The following CLVS1 variants were observed in gnomAD, a reference collection of about 807,000 sequenced individuals.
The protein encoded by CLVS1 is clavesin-1.
A neutral mutation model predicts 33.1 loss-of-function variants in CLVS1; 10 were observed. The observed-to-expected ratio is 0.30, with a 90% confidence interval of 0.19 to 0.51. The LOEUF is 0.51. Ranked by LOEUF, CLVS1 falls within the 20% of genes least tolerant of loss-of-function variation. The pLI, the probability that CLVS1 is intolerant of heterozygous loss-of-function variation, is 0.97. For synonymous variants in CLVS1, 163 were observed against 166.1 expected, an observed-to-expected ratio of 0.98 and a Z score of 0.14; for missense variants, 343 against 433.4, an observed-to-expected ratio of 0.79 and a Z score of 1.85.
chr8:61,376,496 C>A, intron 2 of CLVS1, 109 bp from the exon 3 acceptor site: 2 of 973,100 alleles, frequency 2.1e-6, no homozygotes, highest in Non-Finnish European at 3.1e-6. Flanking sequence ...GTGTGACCCT[C>A]CAGGCGGGGT....
chr8:61,275,793 C>A (rs1188234763), intron 2 of CLVS1, among the ~76,000 whole-genome samples: 5 of 152,212 alleles, frequency 3.3e-5, no homozygotes, highest in African/African-American at 1.2e-4. Flanking sequence ...CAATGCCATT[C>A]ATCCCTCAAA....
At chr8:61,297,648 C>T (rs1239001493) in intron 1 of CLVS1, among the ~76,000 whole-genome samples, 1 of 152,124 alleles carries the variant, frequency 6.6e-6, no homozygotes, top group Non-Finnish European at 1.5e-5. Context: ...GTAGAATGTG[C>T]AGTCTGAAGA....
chr8:61,484,378 A>G (rs537735419), intron 5 of CLVS1, among the ~76,000 whole-genome samples: 27 of 152,296 alleles, frequency 1.8e-4, no homozygotes, highest in Admixed American at 1.5e-3. Context: ...TAGGAATCCA[A>G]CTTACAAGGG....
intron 3 of CLVS1, among the ~76,000 whole-genome samples, chr8:61,413,527 C>T (rs993214033): frequency 6.6e-6 from 1 of 152,180 alleles, no homozygotes; most frequent in South Asian, 2.1e-4. Flanking sequence ...TGGACACGAT[C>T]GTCCCCTTAC....
At chr8:61,331,019 C>T (rs555686421) in intron 2 of CLVS1, among the ~76,000 whole-genome samples, 57 of 152,126 alleles carry the variant, frequency 3.7e-4, no homozygotes, top group African/African-American at 1.3e-3. Flanking sequence ...GAGTTAGAGG[C>T]TGCAGTGAGA....
chr8:61,466,301 G>C (rs1161007075), intron 5 of CLVS1, among the ~76,000 whole-genome samples: 3 of 152,180 alleles, frequency 2.0e-5, no homozygotes, highest in African/African-American at 7.2e-5. Flanking sequence ...CTCAGTAATG[G>C]CCACAAGAAC....
intron 2 of CLVS1, among the ~76,000 whole-genome samples, chr8:61,198,109 TC>T (rs78252699): frequency 0.19 from 28,679 of 152,228 alleles, 3,045 homozygotes; most frequent in Admixed American, 0.27. Context: ...AATTTGGTGT[TC>T]CTTCCAGAGG....
At chr8:61,292,261 T>C in intron 1 of CLVS1, 1 of 444,096 alleles carries the variant, frequency 2.3e-6, no homozygotes, top group Non-Finnish European at 4.6e-6. Context: ...GTTATAAAAA[T>C]AGCCTCTTTC....
At position 61,478,240 on chromosome 8, in the gene CLVS1, T is replaced by C. The variant is rs1818032167; in HGVS notation, c.977+19698T>C. Among the ~76,000 whole-genome samples, 4 of 152,324 alleles carry C rather than the reference T, an allele frequency of 2.6e-5. No individual in the cohort carries two copies. The South Asian group carries it at 8.3e-4, about 32-fold the overall frequency. The stretch of plus-strand genomic sequence containing the variant: ...CTGAGGAGTGCTGTACTTCCAACTA[T>C]GTGGTCAATTTTGGAATAGGTGTGG... On this transcript the variant is annotated intron_variant, in intron 5 of 5. Coordinates refer to ENST00000325897, the MANE Select transcript of CLVS1 (RefSeq NM_173519.3).
At chr8:61,230,067 A>G (rs1052982331) in intron 2 of CLVS1, among the ~76,000 whole-genome samples, 8 of 152,126 alleles carry the variant, frequency 5.3e-5, no homozygotes, top group Non-Finnish European at 1.0e-4. Flanking sequence ...TGATCCTTAC[A>G]CTATGGTGAG....
chr8:61,332,028 T>C (rs775965044), intron 2 of CLVS1, among the ~76,000 whole-genome samples: 12 of 152,204 alleles, frequency 7.9e-5, no homozygotes, highest in Non-Finnish European at 1.3e-4. Flanking sequence ...CATGGTGGCA[T>C]GGCAGGGCAG....
At chr8:61,145,157 A>T (rs1012126039) in intron 2 of CLVS1, among the ~76,000 whole-genome samples, 6 of 152,262 alleles carry the variant, frequency 3.9e-5, no homozygotes, top group Admixed American at 3.3e-4. Context: ...TATTATCAGC[A>T]TGAAAAGGCA....
the CLVS1 span, among the ~76,000 whole-genome samples, chr8:60,993,326 T>C: frequency 6.6e-6 from 1 of 152,230 alleles, no homozygotes; most frequent in African/African-American, 2.4e-5. Context: ...AATGGCTCTA[T>C]GCTTCATTTC....
chr8:61,057,207 C>T (rs1270388845), exon 1 of CLVS1: 1 of 152,230 alleles, frequency 6.6e-6, no homozygotes, highest in African/African-American at 2.4e-5. Context: ...GTCAAGAGGA[C>T]AGCCCACGTC....
intron 3 of CLVS1, among the ~76,000 whole-genome samples, chr8:61,381,774 CT>C (rs963525155): frequency 1.3e-5 from 2 of 152,132 alleles, no homozygotes; most frequent in Non-Finnish European, 2.9e-5. Context: ...GGATTTCATT[CT>C]TTTTTTACAG....
chr8:61,380,556 C>T (rs1162642795), intron 3 of CLVS1, among the ~76,000 whole-genome samples: 2 of 152,106 alleles, frequency 1.3e-5, no homozygotes, highest in African/African-American at 4.8e-5. Flanking sequence ...AAATCTTAGT[C>T]AAAATACTAA....
intron 2 of CLVS1, among the ~76,000 whole-genome samples, chr8:61,320,548 A>G (rs895471570): frequency 5.3e-5 from 8 of 152,224 alleles, no homozygotes; most frequent in African/African-American, 1.7e-4. Flanking sequence ...AAAATACCAT[A>G]AACTAGCATC....
chr8:61,039,683 G>A, the CLVS1 span, among the ~76,000 whole-genome samples: 7 of 151,096 alleles, frequency 4.6e-5, no homozygotes, highest in Non-Finnish European at 7.4e-5. Flanking sequence ...TGGAACCACA[G>A]GCATGCACCA....
chr8:61,238,706 T>G lies in CLVS1; in HGVS notation c.-151-60971T>G, dbSNP rs538148382. On this transcript the variant is annotated intron_variant, in intron 2 of 2. Transcript: ENST00000522621. Reference sequence around the variant, plus strand: ...TGAACAAAATTTTTTTATACTTTACTTAATATTTTACTGTGTGCAATTTTT... The same window carrying G: ...TGAACAAAATTTTTTTATACTTTACGTAATATTTTACTGTGTGCAATTTTT... 5.9e-5 allele frequency among the ~76,000 whole-genome samples: 9 copies of G among 152,376 alleles called. No individual in the cohort carries two copies. The South Asian group carries it at 1.9e-3, about 32-fold the overall frequency.
Sources: allele counts gnomAD v4.1 joint callset (sites outside exome capture counted in the v4.1 genomes callset), GRCh38; gene constraint gnomAD v4.1.1; transcripts MANE v1.5; gene names NCBI Gene and HGNC (gene_info 2026-07-23, HGNC 2026-07-21).